HELLS: variants seen among roughly 807,000 people sequenced by gnomAD.
HELLS encodes the protein helicase, lymphoid specific.
HELLS carries 32 observed loss-of-function variants against 120.0 expected under a neutral mutation model. The ratio of observed to expected loss-of-function variants is 0.27; its 90% confidence interval spans 0.20 to 0.36. HELLS has a LOEUF of 0.36. HELLS is among the 10% of genes least tolerant of loss of function. The pLI is 1.00. For synonymous variants in HELLS, 341 were observed against 323.4 expected (o/e 1.05, Z -0.58); for missense variants, 650 against 993.4 (o/e 0.65, Z 4.65).
chr10:94,563,508 G>T (rs1016618810), intron 6 of HELLS, among the ~76,000 whole-genome samples: 1 of 150,312 alleles, frequency 6.7e-6, no homozygotes, highest in South Asian at 2.1e-4. Flanking sequence ...TTTTTTTGAG[G>T]CAGGGTATCA....
At chr10:94,546,069 G>A in intron 1 of HELLS, 117 bp downstream of exon 1, 3 of 1,228,422 alleles carry the variant, frequency 2.4e-6, no homozygotes, top group Non-Finnish European at 3.5e-6. Flanking sequence ...GACTGAGGAG[G>A]AAAGGAGGGT....
At chr10:94,598,664 C>A (rs1845865940) in intron 21 of HELLS, among the ~76,000 whole-genome samples, 1 of 148,936 alleles carries the variant, frequency 6.7e-6, no homozygotes, top group Admixed American at 6.7e-5. Context: ...TCTACTCTGG[C>A]CTGTCTCTTC....
Position 94,590,544 on chromosome 10 carries a change from C to A in HELLS, c.1620C>A (p.Asp540Glu), listed in dbSNP as rs778985770. The A allele has an allele frequency of 6.2e-7, 1 of 1,610,518 alleles. No homozygotes were observed. The highest frequency in any genetic ancestry group is 8.5e-7 in the Non-Finnish European group (1 of 1,179,268). ...KLISQIQPEVDRERAVVEVNI... is the reference protein window; with the variant it reads ...KLISQIQPEVERERAVVEVNI... ...TCAGTCAAATACAGCCAGAGGTGGA[C>A]CGAGAAAGGTTTGAATTCAAAAGTG... Residue 540 changes from aspartate (D) to glutamate (E), a missense_variant, in exon 14 of 22, where the codon GAC (aspartate) becomes GAA (glutamate). Asp to Glu is a conservative substitution (Grantham distance 45). Coordinates refer to ENST00000348459, the MANE Select transcript of HELLS (RefSeq NM_018063.5).
At chr10:94,600,873 TAA>T (rs1846002086) in intron 21 of HELLS, among the ~76,000 whole-genome samples, 1 of 152,072 alleles carries the variant, frequency 6.6e-6, no homozygotes. Flanking sequence ...CATAAAGAGA[TAA>T]GAGACAAACC....
intron 21 of HELLS, among the ~76,000 whole-genome samples, chr10:94,600,164 G>A (rs942684537): frequency 2.6e-5 from 4 of 152,176 alleles, no homozygotes; most frequent in Non-Finnish European, 4.4e-5. Context: ...GGAGGCATGT[G>A]CCTATAATCC....
rs1843618753 is a variant in HELLS, at chr10:94,562,730, A to G, written c.370+3A>G. 1.3e-6 allele frequency: 2 copies of G among 1,584,880 alleles called. No individual in the cohort carries two copies. The highest frequency in any genetic ancestry group is 2.2e-5 in the East Asian group (1 of 44,624). The stretch of plus-strand genomic sequence containing the variant: ...TGATGCAAGTGAAGAGAAGCCAGGT[A>G]AATATCCTTATTCTAGTTTTGAAGA... On this transcript the variant is annotated splice_donor_region_variant and intron_variant, in intron 5 of 21. Transcript: ENST00000348459.
In HELLS at chr10:94,562,673, T is replaced by G; in HGVS notation, c.334-18T>G. ...AAGGTCCTTAATAAAATCAATATTC[T>G]GAATCCTTGTTTTGTAGGGTAAAAA... On this transcript the variant is annotated intron_variant, in intron 4 of 21. Coordinates refer to ENST00000348459, the MANE Select transcript of HELLS (RefSeq NM_018063.5). 1.3e-6 allele frequency: 2 copies of G among 1,545,772 alleles called. No homozygotes were observed. The highest frequency in any genetic ancestry group is 2.3e-5 in the South Asian group (2 of 85,126).
chr10:94,559,637 G>A (rs1843448412), intron 4 of HELLS, among the ~76,000 whole-genome samples: 1 of 151,648 alleles, frequency 6.6e-6, no homozygotes, highest in Admixed American at 6.6e-5. Context: ...GTAGAGACAG[G>A]GTTTCACCAT....
chr10:94,549,969 A>G (rs1842903307), intron 2 of HELLS, among the ~76,000 whole-genome samples: 1 of 152,024 alleles, frequency 6.6e-6, no homozygotes, highest in African/African-American at 2.4e-5. Flanking sequence ...TGCCCAGGCT[A>G]GAGTGCAATG....
chr10:94,565,464 A>AGGCCAAGGTG (rs1458784436), intron 6 of HELLS, among the ~76,000 whole-genome samples: 13 of 152,180 alleles, frequency 8.5e-5, no homozygotes, highest in Non-Finnish European at 1.0e-4. Flanking sequence ...CCAAGGTGGG[A>AGGCCAAGGTG]GGATCACCTG....
At chr10:94,601,473 C>T (rs1846027784) in intron 21 of HELLS, 55 bp from the exon 22 acceptor site, 3 of 954,890 alleles carry the variant, frequency 3.1e-6, no homozygotes, top group Non-Finnish European at 5.0e-6. Context: ...GTTTCTTTTA[C>T]GATTTCTTCT....
chr10:94,546,429 G>C lies in HELLS; in HGVS notation c.84G>C (p.Pro28=). 3 of 1,614,104 alleles carry C rather than the reference G, an allele frequency of 1.9e-6. No homozygotes were observed. Among genetic ancestry groups the C allele is most frequent in the Non-Finnish European group, 2.5e-6 (3 of 1,180,002 alleles). Residue 28 remains proline, a synonymous_variant, in exon 2 of 22, where the codon CCG becomes CCC. Transcript: ENST00000348459. The part of the protein sequence containing the change: ...VEQLDTAVIT[P]AMLEEEEQLE... ...AACTGGACACTGCTGTGATTACCCCGGCCATGCTAGAAGAGGAAGAACAGC... is the reference window on the plus strand; with the variant it reads ...AACTGGACACTGCTGTGATTACCCCCGCCATGCTAGAAGAGGAAGAACAGC...
intron 2 of HELLS, 57 bp from the exon 3 acceptor site, chr10:94,554,069 A>C: frequency 1.3e-6 from 2 of 1,489,236 alleles, no homozygotes; most frequent in Non-Finnish European, 8.9e-7. Context: ...TTTATGCCAA[A>C]AAAATTAAGG....
chr10:94,599,258 C>G (rs1845909440), intron 21 of HELLS, among the ~76,000 whole-genome samples: 1 of 152,156 alleles, frequency 6.6e-6, no homozygotes, highest in African/African-American at 2.4e-5. Flanking sequence ...TGTTTAACAT[C>G]TGATAATATA....
In HELLS at chr10:94,601,284, A is replaced by G. The variant is rs192641188; in HGVS notation, c.2423-244A>G. ...CAGCAAAAGCGATTTTGACTAGCAA[A>G]CTGATGCTTTAGATTGTATGCTCCC... On this transcript the variant is annotated intron_variant, in intron 21 of 21. Transcript: ENST00000348459. Among the ~76,000 whole-genome samples, 318 of 149,924 alleles carry G rather than the reference A, an allele frequency of 2.1e-3. 5 individuals are homozygous for G. The highest frequency in any genetic ancestry group is 1.7e-4 in the Non-Finnish European group (11 of 66,508).
chr10:94,576,555 A>T (rs1449543460), intron 9 of HELLS, 107 bp from the exon 10 acceptor site: 1 of 592,824 alleles, frequency 1.7e-6, no homozygotes, highest in South Asian at 5.0e-5. Context: ...TAGAAATAAA[A>T]TTTTTTAAAA....
chr10:94,550,063 G>A (rs1437965999), intron 2 of HELLS, among the ~76,000 whole-genome samples: 1 of 152,132 alleles, frequency 6.6e-6, no homozygotes. Context: ...TGGGATTACA[G>A]GCATGTGCCG....
intron 10 of HELLS, among the ~76,000 whole-genome samples, chr10:94,579,181 C>T (rs2134070723): frequency 6.7e-6 from 1 of 149,632 alleles, no homozygotes; most frequent in African/African-American, 2.5e-5. Flanking sequence ...GTAATTCTAC[C>T]TGAGAACTAC....
chr10:94,584,600 G>T (rs1384824564), intron 12 of HELLS, among the ~76,000 whole-genome samples: 1 of 152,060 alleles, frequency 6.6e-6, no homozygotes, highest in Non-Finnish European at 1.5e-5. Flanking sequence ...TTTAATTAGA[G>T]TCAAGACAAT....
Sources: gnomAD v4.1 joint callset for allele counts (sites outside exome capture counted in the v4.1 genomes callset) on GRCh38, gnomAD v4.1.1 for gene constraint, MANE v1.5 for transcripts, NCBI Gene and HGNC (gene_info 2026-07-23, HGNC 2026-07-21) for gene names.